OGDHL: variants seen among roughly 807,000 people sequenced by gnomAD.
OGDHL encodes 2-oxoglutarate dehydrogenase-like, mitochondrial.
OGDHL carries 79 observed loss-of-function variants against 109.6 expected under a neutral mutation model. The ratio of observed to expected loss-of-function variants is 0.72; its 90% confidence interval spans 0.60 to 0.87. The LOEUF is 0.87. OGDHL is among the 40% of genes least tolerant of loss of function. OGDHL has a pLI of 0.00. For missense variants in OGDHL, 1,275 were observed against 1,362.2 expected (o/e 0.94, Z 1.01); for synonymous variants, 528 against 537.2 (o/e 0.98, Z 0.24).
At chr10:49,741,981 A>C (rs201004141) in intron 15 of OGDHL, among the ~76,000 whole-genome samples, 1 of 91,196 alleles carries the variant, frequency 1.1e-5, no homozygotes, top group Non-Finnish European at 2.6e-5. Context: ...CTACACACAC[A>C]CAACCACACA....
At chr10:49,739,924 C>T in intron 16 of OGDHL, 85 bp from the exon 17 acceptor site, 1 of 1,346,100 alleles carries the variant, frequency 7.4e-7, no homozygotes, top group Non-Finnish European at 1.0e-6. Context: ...CTCAGTATAT[C>T]CTCCATGCCC....
At chr10:49,750,599 T>G (rs545370657) in intron 7 of OGDHL, among the ~76,000 whole-genome samples, 1 of 152,264 alleles carries the variant, frequency 6.6e-6, no homozygotes, top group African/African-American at 2.4e-5. Context: ...AGAGGCAACA[T>G]GGCCAGGGAG....
rs1842647591 is a variant in OGDHL at position 49,752,149 on chromosome 10, A to G, written c.578T>C (p.Ile193Thr). Reference protein sequence around the residue: ...GSENTLSLREIIRRLENTYCQ... With the variant: ...GSENTLSLRETIRRLENTYCQ... ...TGTGCTCACCTCCAGGCGCCGAATG[A>G]TCTCCCGCAGAGAGAGGGTGTTTTC... The change falls in exon 5 of 23, where the codon ATC becomes ACC. Residue 193 changes from isoleucine to threonine, a missense_variant. Transcript: ENST00000374103. The G allele has an allele frequency of 1.2e-6, 2 of 1,613,908 alleles. No individual in the cohort carries two copies. Among genetic ancestry groups the G allele is most frequent in the South Asian group, 1.1e-5 (1 of 91,078 alleles).
intron 1 of OGDHL, among the ~76,000 whole-genome samples, chr10:49,760,730 A>G (rs973125711): frequency 6.6e-6 from 1 of 152,244 alleles, no homozygotes; most frequent in Non-Finnish European, 1.5e-5. Flanking sequence ...ACTGAGGTGC[A>G]AGAGGCTAAG....
chr10:49,742,340 CCA>C (rs1841786075), intron 15 of OGDHL, among the ~76,000 whole-genome samples: 1 of 134,088 alleles, frequency 7.5e-6, no homozygotes, highest in African/African-American at 2.8e-5. Context: ...ACGACACACA[CCA>C]CACATGCACC....
At chr10:49,742,804 G>A (rs1282598841) in intron 15 of OGDHL, 24 bp downstream of exon 15, 2 of 1,604,988 alleles carry the variant, frequency 1.2e-6, no homozygotes, top group African/African-American at 1.3e-5. Flanking sequence ...CTCCTGTGCG[G>A]ATGCTGAGCC....
intron 1 of OGDHL, among the ~76,000 whole-genome samples, chr10:49,759,239 G>A (rs528818528): frequency 6.6e-6 from 1 of 152,140 alleles, no homozygotes; most frequent in Non-Finnish European, 1.5e-5. Context: ...CCAGAAGGCT[G>A]GTGACACTAG....
At chr10:49,755,202 T>C (rs925703715) in intron 3 of OGDHL, among the ~76,000 whole-genome samples, 1 of 152,080 alleles carries the variant, frequency 6.6e-6, no homozygotes, top group Non-Finnish European at 1.5e-5. Flanking sequence ...CGAGACTGCA[T>C]CACTGCACTC....
In OGDHL at chr10:49,744,501, C is replaced by A; in HGVS notation, c.1732+149G>T. 6.2e-6 allele frequency: 4 copies of A among 646,024 alleles called. No individual in the cohort carries two copies. In the South Asian group the frequency reaches 7.6e-5, roughly 12 times the overall value. The allele number at this position is 646,024 out of a possible 1,614,324, so 40.0% of individuals were successfully genotyped here. ...GCTATCCTTGACTTGCAGGAATCGG[C>A]CCCACGCAGCTTTGGGGACTCAGTG... On this transcript the variant is annotated intron_variant, in intron 13 of 22. Coordinates refer to ENST00000374103, the MANE Select transcript of OGDHL (RefSeq NM_018245.3).
rs781103750 is a variant in OGDHL, at chr10:49,749,685, C to T, written c.987+41G>A. 6 of 1,528,634 alleles carry T rather than the reference C, an allele frequency of 3.9e-6. No individual in the cohort carries two copies. In the Admixed American group the frequency reaches 9.7e-5, roughly 25 times the overall value. The allele number at this position is 1,528,634 out of a possible 1,614,324, so 94.7% of individuals were successfully genotyped here. A position where few individuals can be genotyped will look rare whatever the true frequency, so the allele number is the denominator to read the frequency against. On this transcript the variant is annotated intron_variant, in intron 8 of 22. Transcript: ENST00000374103. The stretch of plus-strand genomic sequence containing the variant: ...CCTCCACAGTCCACCTCCCAAACAC[C>T]CAGCTCTCCAAGGGTGCCGGGACCT...
At position 49,742,931 on chromosome 10, in the gene OGDHL, T is replaced by A; in HGVS notation, c.1909A>T (p.Thr637Ser). The A allele has an allele frequency of 5.6e-6, 9 of 1,613,996 alleles. No individual in the cohort carries two copies. The highest frequency in any genetic ancestry group is 7.6e-6 in the Non-Finnish European group (9 of 1,180,014). ...TACTCTGCCAACGCCCAGTCCACCG[T>A]CCGGTTCTTGGTCATGTCCGCACGG... ...RGRADMTKNR[T>S]VDWALAEYMA... The change falls in exon 15 of 23, where the codon ACG becomes TCG. Residue 637 changes from threonine (T) to serine (S), a missense_variant. By Grantham distance (58) the Thr-to-Ser change is moderately conservative. Coordinates refer to ENST00000374103, the MANE Select transcript of OGDHL (RefSeq NM_018245.3).
chr10:49,738,413 A>C, intron 17 of OGDHL, 151 bp from the exon 18 acceptor site: 1 of 705,692 alleles, frequency 1.4e-6, no homozygotes, highest in Non-Finnish European at 2.4e-6. Context: ...AGAACCAAGA[A>C]TGTGGAACAA....
At chr10:49,738,342 G>A (rs973615181) in intron 17 of OGDHL, 80 bp from the exon 18 acceptor site, 2 of 1,502,816 alleles carry the variant, frequency 1.3e-6, no homozygotes, top group Non-Finnish European at 1.8e-6. Context: ...CCAGGCTCAG[G>A]GGAAAGTCTG....
chr10:49,739,590 C>T, intron 17 of OGDHL, 71 bp downstream of exon 17: 2 of 1,545,838 alleles, frequency 1.3e-6, no homozygotes, highest in African/African-American at 2.7e-5. Context: ...GACAAGGGGC[C>T]CAGGGTCCAT....
In OGDHL at chr10:49,745,476, G is replaced by A; in HGVS notation, c.1497C>T (p.Gly499=). ...ACATGGGCTCGTCCATCTCATTGTG[G>A]CCACGCCGGCGGTAACAGACCTGCA... ...VVDLVCYRRR[G]HNEMDEPMFT... Residue 499 remains glycine, a synonymous_variant, in exon 12 of 23, where the codon GGC becomes GGT. Transcript: ENST00000374103. 2 of 1,614,004 alleles carry A rather than the reference G, an allele frequency of 1.2e-6. No individual in the cohort carries two copies. Among genetic ancestry groups the A allele is most frequent in the Non-Finnish European group, 1.7e-6 (2 of 1,180,052 alleles).
intron 3 of OGDHL, among the ~76,000 whole-genome samples, chr10:49,753,248 AT>A (rs1212792323): frequency 1.3e-5 from 2 of 152,222 alleles, no homozygotes; most frequent in Admixed American, 1.3e-4. Flanking sequence ...AAATATATGC[AT>A]TAGAAGGGAA....
rs1244593120 is a variant in OGDHL, at chr10:49,762,228, GC to G, written c.-2+10del. The G allele has an allele frequency of 6.6e-6, 1 of 152,372 alleles. No individual in the cohort carries two copies. Among genetic ancestry groups the G allele is most frequent in the Non-Finnish European group, 1.5e-5 (1 of 68,226 alleles). The allele number at this position is 152,372 out of a possible 1,614,324, so 9.4% of individuals were successfully genotyped here. On this transcript the variant is annotated intron_variant, in intron 1 of 22. Coordinates refer to ENST00000374103, the MANE Select transcript of OGDHL (RefSeq NM_018245.3). ...CGCAGGGACCGGGAGGGGGCGGGCC[GC>G]CGCGCTCACCGGGCGGGCGGGCCGG...
At position 49,736,410 on chromosome 10, in the gene OGDHL, C is replaced by T; in HGVS notation, c.2701G>A (p.Glu901Lys). 2 of 1,614,164 alleles carry T rather than the reference C, an allele frequency of 1.2e-6. No homozygotes were observed. Among genetic ancestry groups the T allele is most frequent in the South Asian group, 1.1e-5 (1 of 91,082 alleles). ...TGKVYYDLVKERSSQDLEEKV... is the reference protein window; with the variant it reads ...TGKVYYDLVKKRSSQDLEEKV... ...TCCTCCAGGTCCTGGCTGCTCCGCT[C>T]CTTCACCAGGTCATAGTACACCTTT... The change falls in exon 21 of 23, where the codon GAG (glutamate) becomes AAG (lysine). Residue 901 changes from glutamate (E) to lysine (K), a missense_variant. Transcript: ENST00000374103.
intron 6 of OGDHL, 36 bp from the exon 7 acceptor site, chr10:49,751,021 G>C: frequency 3.2e-6 from 5 of 1,542,390 alleles, no homozygotes; most frequent in Non-Finnish European, 4.4e-6. Context: ...GAAAGGGAAA[G>C]GGATGGAGAG....
Sources: gnomAD v4.1 joint callset for allele counts (sites outside exome capture counted in the v4.1 genomes callset) on GRCh38, gnomAD v4.1.1 for gene constraint, MANE v1.5 for transcripts, NCBI Gene and HGNC (gene_info 2026-07-23, HGNC 2026-07-21) for gene names.